The following ENOSF1 variants were observed in gnomAD, a reference collection of about 807,000 sequenced individuals.
ENOSF1 encodes enolase superfamily member 1.
In ENOSF1, 73 loss-of-function variants were observed where a neutral mutation model predicts 68.2. The ratio of observed to expected loss-of-function variants is 1.07; its 90% confidence interval spans 0.89 to 1.30. ENOSF1 has a LOEUF of 1.30. Ranked by LOEUF, ENOSF1 falls within the 50% of genes most tolerant of loss-of-function variation. ENOSF1 has a pLI of 0.00. For synonymous variants in ENOSF1, 223 were observed against 210.4 expected (o/e 1.06, Z -0.52); for missense variants, 589 against 554.5 (o/e 1.06, Z -0.62).
chr18:680,802 T>A (rs1296205978), intron 11 of ENOSF1, among the ~76,000 whole-genome samples: 1 of 149,240 alleles, frequency 6.7e-6, no homozygotes, highest in Non-Finnish European at 1.5e-5. Context: ...TGCCTCAGCC[T>A]CCTGAGTAGC....
At chr18:668,707 G>A (rs987231245), downstream of ENOSF1, among the ~76,000 whole-genome samples, 2 of 152,160 alleles carry the variant, frequency 1.3e-5, no homozygotes, top group East Asian at 1.9e-4. Context: ...GACAAGAATC[G>A]CTGATGGGTT....
chr18:684,780 T>C (rs900764778), intron 10 of ENOSF1, among the ~76,000 whole-genome samples: 7 of 151,964 alleles, frequency 4.6e-5, no homozygotes, highest in African/African-American at 1.5e-4. Context: ...CTTGGAGAAA[T>C]GGACATCTCT....
chr18:666,295 G>A (rs1406636877), downstream of ENOSF1, among the ~76,000 whole-genome samples: 1 of 151,838 alleles, frequency 6.6e-6, no homozygotes, highest in Non-Finnish European at 1.5e-5. Flanking sequence ...TGCCCCCATT[G>A]CTTTGTTGTG....
downstream of ENOSF1, among the ~76,000 whole-genome samples, chr18:666,915 T>TGATGGTGATGGTGATGGA (rs1567989412): frequency 1.7e-5 from 1 of 59,500 alleles, no homozygotes. Context: ...ATGGTGATGG[T>TGATGGTGATGGTGATGGA]GATGGAGATG....
At chr18:681,420 A>G (rs182606053) in intron 11 of ENOSF1, among the ~76,000 whole-genome samples, 5 of 152,304 alleles carry the variant, frequency 3.3e-5, no homozygotes, top group Admixed American at 3.3e-4. Context: ...GCTTCCTGTG[A>G]GATGCTCAGG....
chr18:707,579 T>C (rs1258936139), intron 1 of ENOSF1: 1 of 152,166 alleles, frequency 6.6e-6, no homozygotes, highest in Non-Finnish European at 1.5e-5. Context: ...TTTTGTTCTA[T>C]GTCATGGAAT....
At chr18:683,047 A>G in intron 11 of ENOSF1, 199 bp downstream of exon 11, 1 of 617,102 alleles carries the variant, frequency 1.6e-6, no homozygotes, top group Non-Finnish European at 2.7e-6. Flanking sequence ...AACAGAAATA[A>G]GGGCAAAGTA....
chr18:697,362 A>T lies in ENOSF1; in HGVS notation c.194-7T>A, dbSNP rs1220255524. 1 of 1,595,202 alleles carries T rather than the reference A, an allele frequency of 6.3e-7. No individual in the cohort carries two copies. On this transcript the variant is annotated splice_region_variant and splice_polypyrimidine_tract_variant and intron_variant, in intron 2 of 15. Transcript: ENST00000647584. ...GCATTCACAGCACAGACAACTATTT[A>T]AAAAGGATTGAACTCTTGTTTATGC... is the stretch of plus-strand genomic sequence containing the variant.
intron 2 of ENOSF1, among the ~76,000 whole-genome samples, chr18:700,155 T>C (rs1374119781): frequency 6.6e-6 from 1 of 152,212 alleles, no homozygotes; most frequent in Non-Finnish European, 1.5e-5. Flanking sequence ...CTCGGATGAT[T>C]GCACACTTTA....
At chr18:679,461 G>A (rs1216212924) in intron 11 of ENOSF1, among the ~76,000 whole-genome samples, 4 of 151,464 alleles carry the variant, frequency 2.6e-5, no homozygotes, top group East Asian at 3.9e-4. Flanking sequence ...CTCCCGCCTC[G>A]GCCTCCCAAA....
intron 1 of ENOSF1, chr18:707,686 T>C (rs183482305): frequency 6.6e-6 from 1 of 152,288 alleles, no homozygotes; most frequent in African/African-American, 2.4e-5. Flanking sequence ...TATTATTCTA[T>C]AATATTTATT....
At chr18:666,337 G>C (rs553562263), downstream of ENOSF1, among the ~76,000 whole-genome samples, 2 of 152,180 alleles carry the variant, frequency 1.3e-5, no homozygotes, top group East Asian at 3.9e-4. Context: ...CTGAGCCACA[G>C]CGTGCTGTAG....
Position 684,892 on chromosome 18 carries a change from ACT to A in ENOSF1, c.741+1027_741+1028del, listed in dbSNP as rs1395073833. 2.0e-5 allele frequency among the ~76,000 whole-genome samples: 3 copies of A among 151,858 alleles called. No homozygotes were observed. In the South Asian group the frequency reaches 6.2e-4, roughly 32 times the overall value. ...TTTTTTTTTTAAGAGGCTGGATCTC[ACT>A]CTGTTGCCCATGCTGGAGTGCAGTG... On this transcript the variant is annotated intron_variant, in intron 10 of 15. Transcript: ENST00000647584.
downstream of ENOSF1, among the ~76,000 whole-genome samples, chr18:669,993 C>T (rs1053293900): frequency 6.6e-6 from 1 of 150,954 alleles, no homozygotes; most frequent in Non-Finnish European, 1.5e-5. Flanking sequence ...AAAACTCTAT[C>T]AGGATATCAT....
In ENOSF1 at chr18:678,892, G is replaced by A. The variant is rs1402540132; in HGVS notation, c.877-155C>T. Among the ~76,000 whole-genome samples the A allele has an allele frequency of 3.3e-5, 5 of 152,234 alleles. No individual in the cohort carries two copies. In the East Asian group the frequency reaches 9.6e-4, roughly 29 times the overall value. ...AAAGGATGTCCAGGGGAACACATGC[G>A]TGCGGGAGGGCTCTGTGTATCTGCA... On this transcript the variant is annotated intron_variant, in intron 11 of 15. Transcript: ENST00000647584.
intron 1 of ENOSF1, among the ~76,000 whole-genome samples, chr18:708,023 C>T (rs2079119648): frequency 7.3e-6 from 1 of 137,574 alleles, no homozygotes; most frequent in African/African-American, 2.7e-5. Flanking sequence ...CTATGACCAG[C>T]TTTTTTTTTT....
rs998460116 is a variant in ENOSF1, at chr18:672,323, G to C, written c.*1982C>G. ...GGAGTTTGGCTGCTTTTGAGTGGAGGTGACTTCAGGCTTATTCTCTCTGGC... is the reference window on the plus strand; with the variant it reads ...GGAGTTTGGCTGCTTTTGAGTGGAGCTGACTTCAGGCTTATTCTCTCTGGC... On this transcript the variant is annotated 3_prime_UTR_variant, in exon 16 of 16. Coordinates refer to ENST00000647584, the MANE Select transcript of ENOSF1 (RefSeq NM_017512.7). 6.6e-6 allele frequency: 1 copy of C among 152,236 alleles called. No individual in the cohort carries two copies. Among genetic ancestry groups the C allele is most frequent in the African/African-American group, 2.4e-5 (1 of 41,458 alleles). 9.4% of individuals were successfully genotyped at this position (152,236 alleles called of 1,614,324 possible).
At chr18:687,691 G>C (rs576648) in intron 9 of ENOSF1, 1 of 152,398 alleles carries the variant, frequency 6.6e-6, no homozygotes, top group South Asian at 2.1e-4. Context: ...GAAGGTCTTA[G>C]GATGGCCAGA....
rs1313043892 is a variant in ENOSF1 at position 712,514 on chromosome 18, G to A, written c.74C>T (p.Ala25Val). ...GGCGTCCGCGCTTACCATGGCGTCC[G>A]CGCCGTGGCCCCCAAGCGACGTGGG... ...RFPTSLGGHG[A>V]DAMHTDPDYS... The change falls in exon 1 of 16, where the codon GCG (alanine) becomes GTG (valine). Residue 25 changes from alanine to valine, a missense_variant. Coordinates refer to ENST00000647584, the MANE Select transcript of ENOSF1 (RefSeq NM_017512.7). 1 of 1,538,936 alleles carries A rather than the reference G, an allele frequency of 6.5e-7. No homozygotes were observed. Among genetic ancestry groups the A allele is most frequent in the Non-Finnish European group, 8.7e-7 (1 of 1,146,294 alleles).
Sources: gnomAD v4.1 joint callset for allele counts (sites outside exome capture counted in the v4.1 genomes callset) on GRCh38, gnomAD v4.1.1 for gene constraint, MANE v1.5 for transcripts, NCBI Gene and HGNC (gene_info 2026-07-23, HGNC 2026-07-21) for gene names.